CDH2: variants seen among roughly 807,000 people sequenced by gnomAD.
CDH2 encodes the protein cadherin-2.
Under a neutral mutation model 92.0 loss-of-function variants are expected in CDH2, and 17 were observed. The ratio of observed to expected loss-of-function variants is 0.18; its 90% CI spans 0.13 to 0.28. The LOEUF (loss-of-function observed/expected upper bound fraction) is 0.28, where lower values mean the gene tolerates loss of function less well. Among genes scored for constraint, CDH2 ranks in the 10% least tolerant of loss-of-function variants. The pLI is 1.00. For synonymous variants in CDH2, 419 were observed against 415.9 expected, an observed-to-expected ratio of 1.01 and a Z score of -0.09; for missense variants, 862 against 1,133.1, an observed-to-expected ratio of 0.76 and a Z score of 3.44.
intron 1 of CDH2, among the ~76,000 whole-genome samples, chr18:28,161,395 AC>A (rs2016304357): frequency 6.6e-6 from 1 of 152,110 alleles, no homozygotes; most frequent in Non-Finnish European, 1.5e-5. Context: ...CCTGGCCAAC[AC>A]AGTGAAACCC....
chr18:28,137,506 G>C (rs1317573318), intron 2 of CDH2, among the ~76,000 whole-genome samples: 1 of 151,804 alleles, frequency 6.6e-6, no homozygotes, highest in African/African-American at 2.4e-5. Context: ...ATTTAACAAT[G>C]AACAATTAAA....
At chr18:28,145,638 A>G (rs144455169) in intron 2 of CDH2, among the ~76,000 whole-genome samples, 50 of 152,270 alleles carry the variant, frequency 3.3e-4, no homozygotes, top group African/African-American at 1.2e-3. Flanking sequence ...AACTGGAGAT[A>G]ACATGCTTGT....
At chr18:27,985,829 A>G (rs2012214957) in intron 11 of CDH2, 68 bp from the exon 12 acceptor site, 1 of 928,118 alleles carries the variant, frequency 1.1e-6, no homozygotes, top group South Asian at 1.6e-5. Context: ...TTATGGTGAA[A>G]TTCTCAAAGC....
At chr18:28,072,811 T>C (rs2014644553) in intron 2 of CDH2, among the ~76,000 whole-genome samples, 3 of 152,258 alleles carry the variant, frequency 2.0e-5, no homozygotes, top group Non-Finnish European at 4.4e-5. Flanking sequence ...AAGAGTAGTA[T>C]TTGAACATGA....
chr18:28,070,655 T>C (rs560271000), intron 2 of CDH2, among the ~76,000 whole-genome samples: 3 of 152,286 alleles, frequency 2.0e-5, no homozygotes, highest in South Asian at 4.1e-4. Flanking sequence ...CTGCTGTGAG[T>C]TGGGCACTGT....
intron 1 of CDH2, among the ~76,000 whole-genome samples, chr18:28,174,244 TA>T (rs201335208): frequency 6.8e-5 from 10 of 146,962 alleles, no homozygotes; most frequent in Non-Finnish European, 7.5e-5. Context: ...GTCTGGAATT[TA>T]AAAAAAAAAG....
At chr18:28,007,553 T>C (rs2012975205) in intron 5 of CDH2, among the ~76,000 whole-genome samples, 1 of 152,166 alleles carries the variant, frequency 6.6e-6, no homozygotes, top group East Asian at 1.9e-4. Flanking sequence ...AATACTGCCA[T>C]TCAATACCTA....
chr18:28,043,490 ATAT>A (rs2014000542), intron 2 of CDH2, among the ~76,000 whole-genome samples: 3 of 75,902 alleles, frequency 4.0e-5, no homozygotes, highest in South Asian at 5.6e-4. Context: ...ATATATATAT[ATAT>A]AAATATATAT....
intron 14 of CDH2, among the ~76,000 whole-genome samples, chr18:27,979,981 C>T (rs2011989783): frequency 6.6e-6 from 1 of 152,080 alleles, no homozygotes; most frequent in African/African-American, 2.4e-5. Context: ...AGCTAAGTTC[C>T]CAATCAAAGC....
intron 2 of CDH2, among the ~76,000 whole-genome samples, chr18:28,092,958 A>G (rs527459099): frequency 3.0e-4 from 46 of 152,276 alleles, no homozygotes; most frequent in African/African-American, 1.0e-3. Flanking sequence ...ATATTTTTCT[A>G]TTATTGAGCA....
At chr18:28,088,760 T>C (rs141805507) in intron 2 of CDH2, among the ~76,000 whole-genome samples, 2 of 152,220 alleles carry the variant, frequency 1.3e-5, no homozygotes, top group East Asian at 1.9e-4. Context: ...AAGTCAAGTG[T>C]TGCTAAACTG....
chr18:28,061,634 T>G (rs2014404126), intron 2 of CDH2, among the ~76,000 whole-genome samples: 1 of 152,096 alleles, frequency 6.6e-6, no homozygotes, highest in South Asian at 2.1e-4. Context: ...AAACAAATAC[T>G]TTATCCTAGC....
At chr18:28,174,403 T>C (rs2016507403) in intron 1 of CDH2, among the ~76,000 whole-genome samples, 1 of 152,308 alleles carries the variant, frequency 6.6e-6, no homozygotes, top group African/African-American at 2.4e-5. Flanking sequence ...ATGGTGCACT[T>C]AACCCTAAAA....
intron 2 of CDH2, among the ~76,000 whole-genome samples, chr18:28,126,132 G>T (rs985733258): frequency 1.3e-5 from 2 of 152,046 alleles, no homozygotes; most frequent in Non-Finnish European, 2.9e-5. Flanking sequence ...AGATGTATAT[G>T]CTTTAAAATC....
intron 2 of CDH2, chr18:28,045,386 C>T (rs773476045): frequency 1.3e-5 from 6 of 466,838 alleles, no homozygotes; most frequent in Non-Finnish European, 2.7e-5. Flanking sequence ...AATAGCTCTC[C>T]ATTGATTAGA....
chr18:28,094,455 T>C (rs2015089581), intron 2 of CDH2, among the ~76,000 whole-genome samples: 1 of 151,882 alleles, frequency 6.6e-6, no homozygotes, highest in South Asian at 2.1e-4. Context: ...ACCACTGCAC[T>C]ACAGCCTGGG....
chr18:28,163,837 G>A (rs527646948), intron 1 of CDH2, among the ~76,000 whole-genome samples: 5 of 152,188 alleles, frequency 3.3e-5, no homozygotes, highest in East Asian at 1.9e-4. Flanking sequence ...TGTCTATATA[G>A]ATGATAAAAC....
intron 2 of CDH2, among the ~76,000 whole-genome samples, chr18:28,061,460 C>T (rs1200959024): frequency 1.3e-4 from 20 of 152,000 alleles, no homozygotes; most frequent in African/African-American, 4.6e-4. Context: ...CTAGCCAACA[C>T]GATGAAACCC....
intron 14 of CDH2, among the ~76,000 whole-genome samples, chr18:27,968,563 A>G (rs1457132627): frequency 1.3e-5 from 2 of 152,216 alleles, no homozygotes; most frequent in African/African-American, 4.8e-5. Context: ...CTTAGGTCAA[A>G]TAAGAGTCTG....
Sources: allele counts gnomAD v4.1 joint callset (sites outside exome capture counted in the v4.1 genomes callset), GRCh38; gene constraint gnomAD v4.1.1; transcripts MANE v1.5; gene names NCBI Gene and HGNC (gene_info 2026-07-23, HGNC 2026-07-21).